NHSL2: variants seen among roughly 807,000 people sequenced by gnomAD.
NHSL2 encodes NHS like 2, also known as NHS-like protein 2.
In NHSL2, 27 loss-of-function variants were observed where a neutral mutation model predicts 53.4. The ratio of observed to expected loss-of-function variants is 0.51; its 90% CI spans 0.37 to 0.70. The LOEUF (loss-of-function observed/expected upper bound fraction) is 0.70, where lower values mean the gene tolerates loss of function less well. Among genes scored for constraint, NHSL2 ranks in the 30% least tolerant of loss-of-function variants. The pLI, the probability that NHSL2 is intolerant of heterozygous loss-of-function variation, is 0.00. For missense variants in NHSL2, 892 were observed against 980.1 expected (o/e 0.91, Z 1.20); for synonymous variants, 408 against 404.1 (o/e 1.01, Z -0.12).
intron 1 of NHSL2, chrX:72,027,419 C>T (rs944678939): frequency 3.6e-5 from 4 of 111,643 alleles, no homozygotes; most frequent in Non-Finnish European, 5.6e-5. Context: ...TAAGAAAGGA[C>T]GAGTCAGAGC....
At chrX:72,106,953 G>A (rs745873228) in intron 1 of NHSL2, among the ~76,000 whole-genome samples, 10 of 103,487 alleles carry the variant, frequency 9.7e-5, no homozygotes, top group Admixed American at 7.3e-4. Context: ...ATCACACACC[G>A]GGGCTTGTCG....
intron 1 of NHSL2, among the ~76,000 whole-genome samples, chrX:72,042,451 C>T (rs1602326315): frequency 8.9e-6 from 1 of 111,736 alleles, no homozygotes; most frequent in Admixed American, 9.5e-5. Flanking sequence ...TCTGGCCTCA[C>T]TGCTTCCTCA....
In NHSL2 at chrX:72,085,795, T is replaced by C. The variant is rs754117730; in HGVS notation, c.281-46284T>C. Among the ~76,000 whole-genome samples the C allele has an allele frequency of 4.8e-5, 5 of 105,073 alleles. No homozygotes were observed. In the South Asian group the frequency reaches 2.2e-3, roughly 45 times the overall value. 91.2% of individuals were successfully genotyped at this position (105,073 alleles called of 115,157 possible). On this transcript the variant is annotated intron_variant, in intron 1 of 7. Coordinates refer to ENST00000633930, the MANE Select transcript of NHSL2 (RefSeq NM_001013627.3). Reference sequence around the variant, plus strand: ...TAAAAATCCTCTTTGAGGAGTTGGGTCCCAGGCAGTGCAGCTGCTCCCTAC... The same window carrying C: ...TAAAAATCCTCTTTGAGGAGTTGGGCCCCAGGCAGTGCAGCTGCTCCCTAC...
chrX:72,046,041 G>A (rs374661263), intron 1 of NHSL2, among the ~76,000 whole-genome samples: 9 of 111,842 alleles, frequency 8.0e-5, no homozygotes, highest in African/African-American at 2.9e-4. Context: ...CATGTTCATG[G>A]CCAATGAAAA....
intron 1 of NHSL2, among the ~76,000 whole-genome samples, chrX:72,102,522 T>C (rs185358448): frequency 2.2e-4 from 25 of 112,485 alleles, no homozygotes; most frequent in African/African-American, 6.5e-4. Context: ...CCCAGCATTA[T>C]GGTGAGGAAT....
At chrX:71,960,936 G>T (rs1354531009) in intron 1 of NHSL2, among the ~76,000 whole-genome samples, 2 of 111,902 alleles carry the variant, frequency 1.8e-5, no homozygotes, top group South Asian at 3.7e-4. Context: ...ATTTTAATGG[G>T]AATTGCATTA....
At chrX:72,054,035 A>G (rs896138507) in intron 1 of NHSL2, among the ~76,000 whole-genome samples, 8 of 110,921 alleles carry the variant, frequency 7.2e-5, no homozygotes, top group African/African-American at 2.6e-4. Flanking sequence ...CTTGGCCATC[A>G]TGAAGAGAAC....
rs1341569428 is a variant in NHSL2 at position 72,014,187 on chromosome X, G to T, written c.280+102820G>T. Among the ~76,000 whole-genome samples, 15 of 112,066 alleles carry T rather than the reference G, an allele frequency of 1.3e-4. No homozygotes were observed. The Admixed American group carries it at 1.4e-3, about 11-fold the overall frequency. On this transcript the variant is annotated intron_variant, in intron 1 of 7. Coordinates refer to ENST00000633930, the MANE Select transcript of NHSL2 (RefSeq NM_001013627.3). ...ATTTCCTTCCTGATATGAGCAATTT[G>T]TATGTCTTGCTAGAGGTTTGTCAAT... is the stretch of plus-strand genomic sequence containing the variant.
chrX:72,098,722 T>C (rs977645566), intron 1 of NHSL2, among the ~76,000 whole-genome samples: 11 of 112,253 alleles, frequency 9.8e-5, no homozygotes, highest in African/African-American at 3.2e-4. Flanking sequence ...AATAGTTTTA[T>C]GTTACGTAAA....
At chrX:72,134,809 T>C in intron 4 of NHSL2, 105 bp downstream of exon 4, 3 of 609,117 alleles carry the variant, frequency 4.9e-6, no homozygotes, top group Non-Finnish European at 7.7e-6. Flanking sequence ...CTTTCTTTGC[T>C]ACCGGCTCAC....
intron 1 of NHSL2, among the ~76,000 whole-genome samples, chrX:72,041,159 C>T (rs2042271962): frequency 9.0e-6 from 1 of 111,304 alleles, no homozygotes; most frequent in Non-Finnish European, 1.9e-5. Context: ...CACATAAAGG[C>T]GAATATGGAA....
intron 1 of NHSL2, among the ~76,000 whole-genome samples, chrX:72,046,811 A>G (rs777282373): frequency 1.5e-4 from 17 of 110,382 alleles, no homozygotes; most frequent in African/African-American, 5.6e-4. Context: ...ATTCAGATGG[A>G]GCAGATAAAT....
chrX:72,014,723 C>G (rs1160836012), intron 1 of NHSL2, among the ~76,000 whole-genome samples: 3 of 111,198 alleles, frequency 2.7e-5, no homozygotes, highest in Non-Finnish European at 3.8e-5. Context: ...TTTTGTATTC[C>G]ATGGGCACTT....
intron 1 of NHSL2, among the ~76,000 whole-genome samples, chrX:72,066,532 AGGACATG>A (rs2042430657): frequency 9.0e-6 from 1 of 111,466 alleles, no homozygotes; most frequent in Admixed American, 9.5e-5. Flanking sequence ...GGAGGAGGTG[AGGACATG>A]GGACACGAGA....
At chrX:71,942,972 C>CTGTGTGTGTGTGTGTGTGTGTGTG (rs58935869) in intron 1 of NHSL2, among the ~76,000 whole-genome samples, 1 of 74,025 alleles carries the variant, frequency 1.4e-5, no homozygotes, top group African/African-American at 5.5e-5. Context: ...CTCTCTCTCT[C>CTGTGTGTGTGTGTGTGTGTGTGTG]TGTGTGTGTG....
intron 1 of NHSL2, among the ~76,000 whole-genome samples, chrX:71,947,456 C>T (rs1035891569): frequency 8.9e-6 from 1 of 112,664 alleles, no homozygotes. Context: ...ATGTGCTATA[C>T]AACAGATTGT....
At chrX:72,017,239 C>T (rs2042139469) in intron 1 of NHSL2, among the ~76,000 whole-genome samples, 1 of 112,612 alleles carries the variant, frequency 8.9e-6, no homozygotes, top group African/African-American at 3.2e-5. Context: ...TTTGGGTCCA[C>T]TGCTGACATA....
chrX:71,945,743 A>T (rs1021535185), intron 1 of NHSL2, among the ~76,000 whole-genome samples: 1 of 111,648 alleles, frequency 9.0e-6, no homozygotes, highest in African/African-American at 3.3e-5. Flanking sequence ...GCTAGCAGGG[A>T]AGAGAGACTT....
chrX:72,056,552 GCACA>G (rs60731699), intron 1 of NHSL2, among the ~76,000 whole-genome samples: 119 of 104,483 alleles, frequency 1.1e-3, no homozygotes, highest in East Asian at 2.7e-3. Flanking sequence ...TAACGTCTGC[GCACA>G]CACACACACA....
Sources: gnomAD v4.1 joint callset for allele counts (sites outside exome capture counted in the v4.1 genomes callset) on GRCh38, gnomAD v4.1.1 for gene constraint, MANE v1.5 for transcripts, NCBI Gene and HGNC (gene_info 2026-07-23, HGNC 2026-07-21) for gene names.